NXPE4: variants seen among roughly 807,000 people sequenced by gnomAD.
NXPE4 encodes the protein NXPE family member 4.
Under a neutral mutation model 33.3 loss-of-function variants are expected in NXPE4, and 42 were observed. That is an observed-to-expected ratio of 1.26 (90% CI 0.98 to 1.63). The LOEUF (loss-of-function observed/expected upper bound fraction) is 1.63. Among genes scored for constraint, NXPE4 ranks in the 40% most tolerant of loss-of-function variants. NXPE4 has a pLI of 0.00. For synonymous variants in NXPE4, 253 were observed against 234.9 expected (o/e 1.08, Z -0.71); for missense variants, 709 against 647.6 (o/e 1.09, Z -1.03).
At chr11:114,580,406 C>T in intron 4 of NXPE4, 68 bp from the exon 5 acceptor site, 1 of 1,368,440 alleles carries the variant, frequency 7.3e-7, no homozygotes, top group East Asian at 2.3e-5. Flanking sequence ...TATTAAGAGC[C>T]TTCTATCCTC....
the NXPE4 span, among the ~76,000 whole-genome samples, chr11:114,672,323 A>AT: frequency 1.3e-5 from 2 of 151,956 alleles, no homozygotes; most frequent in African/African-American, 4.8e-5. Flanking sequence ...CAATCCCTAA[A>AT]TTTTTTCAAA....
At chr11:114,577,058 CAT>C (rs1240336188) in intron 5 of NXPE4, among the ~76,000 whole-genome samples, 891 of 29,884 alleles carry the variant, frequency 0.03, 17 homozygotes, top group South Asian at 0.056. Context: ...TATATATATA[CAT>C]ATATATATAT....
chr11:114,634,756 C>T, the NXPE4 span, among the ~76,000 whole-genome samples: 5 of 152,060 alleles, frequency 3.3e-5, no homozygotes, highest in African/African-American at 1.2e-4. Context: ...TCAGGTTTCT[C>T]AAAGATCAGA....
At chr11:114,677,505 T>C in the NXPE4 span, among the ~76,000 whole-genome samples, 4 of 152,208 alleles carry the variant, frequency 2.6e-5, no homozygotes, top group South Asian at 6.2e-4. Flanking sequence ...ACATGTCTTA[T>C]AAGGAGTGGG....
chr11:114,658,990 G>A, the NXPE4 span, among the ~76,000 whole-genome samples: 1 of 152,018 alleles, frequency 6.6e-6, no homozygotes, highest in Admixed American at 6.6e-5. Context: ...CAAAGCTAAG[G>A]GTGAAATAGG....
intron 5 of NXPE4, among the ~76,000 whole-genome samples, chr11:114,574,410 C>G (rs1948953719): frequency 1.3e-5 from 2 of 151,408 alleles, no homozygotes; most frequent in African/African-American, 4.8e-5. Context: ...ATAAATGAAA[C>G]AAAAAGCTGG....
chr11:114,582,240 CA>C (rs1350639133), intron 3 of NXPE4, 47 bp downstream of exon 3: 1 of 1,521,804 alleles, frequency 6.6e-7, no homozygotes, highest in Non-Finnish European at 8.8e-7. Flanking sequence ...GTATATAGGC[CA>C]AATCACAATA....
the NXPE4 span, among the ~76,000 whole-genome samples, chr11:114,606,569 C>T: frequency 1.3e-5 from 2 of 151,870 alleles, no homozygotes; most frequent in Admixed American, 1.3e-4. Context: ...CCACTGTTAC[C>T]TGGTTTATTA....
chr11:114,604,394 A>AAC, the NXPE4 span, among the ~76,000 whole-genome samples: 22 of 152,178 alleles, frequency 1.4e-4, no homozygotes, highest in African/African-American at 4.8e-4. Flanking sequence ...AACCACTGTT[A>AAC]CATGATGGAT....
chr11:114,603,643 T>A, the NXPE4 span, among the ~76,000 whole-genome samples: 1 of 151,806 alleles, frequency 6.6e-6, no homozygotes, highest in Non-Finnish European at 1.5e-5. Flanking sequence ...TCCTATTACC[T>A]GGTGGATGGC....
chr11:114,626,749 G>A, the NXPE4 span, among the ~76,000 whole-genome samples: 1 of 152,080 alleles, frequency 6.6e-6, no homozygotes, highest in African/African-American at 2.4e-5. Context: ...CAAACCAAAG[G>A]CAAAGAAGTT....
chr11:114,677,758 T>G, the NXPE4 span, among the ~76,000 whole-genome samples: 1 of 152,106 alleles, frequency 6.6e-6, no homozygotes, highest in South Asian at 2.1e-4. Context: ...CATATTTATA[T>G]CTAGATAGCT....
the NXPE4 span, among the ~76,000 whole-genome samples, chr11:114,615,778 A>G: frequency 6.6e-6 from 1 of 151,660 alleles, no homozygotes; most frequent in Non-Finnish European, 1.5e-5. Context: ...CTCATGGGTA[A>G]CCACTGTTAC....
chr11:114,635,471 A>G, the NXPE4 span, among the ~76,000 whole-genome samples: 6 of 151,902 alleles, frequency 3.9e-5, no homozygotes, highest in Admixed American at 6.6e-5. Flanking sequence ...TCTCCTGCGT[A>G]ATTGCCCTGG....
the NXPE4 span, among the ~76,000 whole-genome samples, chr11:114,668,713 T>C: frequency 6.6e-6 from 1 of 150,700 alleles, no homozygotes; most frequent in African/African-American, 2.4e-5. Flanking sequence ...CTTCATAAAA[T>C]ATTAATAAGT....
the NXPE4 span, among the ~76,000 whole-genome samples, chr11:114,677,663 A>G: frequency 4.6e-5 from 7 of 152,122 alleles, no homozygotes; most frequent in Non-Finnish European, 1.0e-4. Flanking sequence ...TATGGTGGCT[A>G]GAGGTGCTGG....
the NXPE4 span, among the ~76,000 whole-genome samples, chr11:114,674,498 CA>C: frequency 2.6e-5 from 4 of 151,052 alleles, no homozygotes; most frequent in Non-Finnish European, 1.5e-5. Context: ...ATGTTTTATG[CA>C]AACCTCATGG....
the NXPE4 span, among the ~76,000 whole-genome samples, chr11:114,650,240 G>A: frequency 1.3e-5 from 2 of 152,148 alleles, no homozygotes; most frequent in Non-Finnish European, 2.9e-5. Flanking sequence ...GGAAAAAGAG[G>A]AGAGAGCATA....
the NXPE4 span, among the ~76,000 whole-genome samples, chr11:114,640,320 A>G: frequency 5.4e-5 from 8 of 146,836 alleles, no homozygotes; most frequent in African/African-American, 2.0e-4. Flanking sequence ...TTTATATATT[A>G]TATGTTTATA....
Sources: gnomAD v4.1 joint callset for allele counts (sites outside exome capture counted in the v4.1 genomes callset) on GRCh38, gnomAD v4.1.1 for gene constraint, MANE v1.5 for transcripts, NCBI Gene and HGNC (gene_info 2026-07-23, HGNC 2026-07-21) for gene names.